The following CHCHD3 variants were observed in gnomAD, a reference collection of about 807,000 sequenced individuals.
CHCHD3 encodes the protein coiled-coil-helix-coiled-coil-helix domain containing 3, also known as MICOS complex subunit MIC19.
In CHCHD3, 20 loss-of-function variants were observed where a neutral mutation model predicts 38.2. That is an observed-to-expected ratio of 0.52 (90% CI 0.37 to 0.76). The LOEUF (loss-of-function observed/expected upper bound fraction) is 0.76. Ranked by LOEUF, CHCHD3 falls within the 30% of genes least tolerant of loss-of-function variation. The probability of loss-of-function intolerance (pLI) is 0.00; values close to 1 mark genes in which losing one functional copy is unlikely to be tolerated. For missense variants in CHCHD3, 245 were observed against 279.2 expected (o/e 0.88, Z 0.87); for synonymous variants, 82 against 100.0 (o/e 0.82, Z 1.07).
chr7:133,064,879 C>T (rs905035820), intron 2 of CHCHD3, among the ~76,000 whole-genome samples: 2 of 152,076 alleles, frequency 1.3e-5, no homozygotes, highest in African/African-American at 4.8e-5. Context: ...AATATCATTT[C>T]CTGTCTGTTT....
intron 5 of CHCHD3, among the ~76,000 whole-genome samples, chr7:132,865,735 GC>G (rs1205963629): frequency 2.0e-5 from 3 of 152,276 alleles, no homozygotes; most frequent in Non-Finnish European, 2.9e-5. Context: ...AGCAAAGGCA[GC>G]CCCCGAGCTT....
Position 132,785,651 on chromosome 7 carries a change from C to G in CHCHD3, c.670G>C (p.Glu224Gln). Reference sequence around the variant, plus strand: ...TCTGAAAGTTTTTATCCTCCCTTCTCAAGCATGCTCTGCAAGAAAAACAGA... The same window carrying G: ...TCTGAAAGTTTTTATCCTCCCTTCTGAAGCATGCTCTGCAAGAAAAACAGA... ...CVNHAKQSML[E>Q]KGG is the part of the protein sequence containing the mutation. The change falls in exon 8 of 8, where the codon GAG (glutamate) becomes CAG (glutamine). Residue 224 changes from glutamate (E) to glutamine (Q), a missense_variant. Glu to Gln is a conservative substitution (Grantham distance 29). Coordinates refer to ENST00000262570, the MANE Select transcript of CHCHD3 (RefSeq NM_017812.4). The G allele has an allele frequency of 6.2e-7, 1 of 1,614,108 alleles. No homozygotes were observed. Among genetic ancestry groups the G allele is most frequent in the Non-Finnish European group, 8.5e-7 (1 of 1,180,010 alleles).
chr7:133,061,486 T>G (rs1008565483), intron 2 of CHCHD3, among the ~76,000 whole-genome samples: 3 of 141,952 alleles, frequency 2.1e-5, no homozygotes, highest in African/African-American at 5.2e-5. Flanking sequence ...AAAAAAACCC[T>G]ATGAGAAAAG....
At chr7:132,985,682 G>T (rs1438034139) in intron 3 of CHCHD3, among the ~76,000 whole-genome samples, 1 of 77,300 alleles carries the variant, frequency 1.3e-5, no homozygotes, top group South Asian at 4.2e-4. Context: ...GGGAGGTGGG[G>T]GGGGGGTCAG....
intron 4 of CHCHD3, among the ~76,000 whole-genome samples, chr7:132,905,797 C>G (rs568189864): frequency 7.9e-5 from 12 of 152,186 alleles, no homozygotes; most frequent in Non-Finnish European, 1.2e-4. Flanking sequence ...TTCTAAGATG[C>G]AATTCCTCTC....
chr7:133,014,079 T>A (rs1433458725), intron 3 of CHCHD3, among the ~76,000 whole-genome samples: 1 of 152,166 alleles, frequency 6.6e-6, no homozygotes, highest in African/African-American at 2.4e-5. Flanking sequence ...ATCATTTGGT[T>A]TTAATCCAAC....
At chr7:132,978,473 T>C (rs1485439324) in intron 3 of CHCHD3, among the ~76,000 whole-genome samples, 1 of 152,146 alleles carries the variant, frequency 6.6e-6, no homozygotes, top group Admixed American at 6.5e-5. Context: ...CCCATACTTA[T>C]AAAAGTGCCT....
intron 3 of CHCHD3, among the ~76,000 whole-genome samples, chr7:133,012,683 G>C (rs1464194074): frequency 6.6e-6 from 1 of 151,856 alleles, no homozygotes; most frequent in Non-Finnish European, 1.5e-5. Context: ...AGGATGGCTT[G>C]AGTCTGGGAG....
chr7:133,081,800 T>C (rs1815178455), intron 1 of CHCHD3, 57 bp downstream of exon 1: 4 of 1,519,194 alleles, frequency 2.6e-6, no homozygotes, highest in African/African-American at 2.8e-5. Context: ...CCGGAGAAGA[T>C]GGGGCCTTGG....
intron 3 of CHCHD3, among the ~76,000 whole-genome samples, chr7:133,007,719 A>G (rs1812738385): frequency 6.6e-6 from 1 of 152,122 alleles, no homozygotes; most frequent in African/African-American, 2.4e-5. Flanking sequence ...ACGTGTCCCA[A>G]CTTTCTGATT....
intron 2 of CHCHD3, chr7:133,034,508 CT>C (rs146912120): frequency 0.061 from 17,205 of 283,150 alleles, 417 homozygotes; most frequent in African/African-American, 0.11. Context: ...TGGATCCAGT[CT>C]TTTTTTTTTT....
intron 4 of CHCHD3, among the ~76,000 whole-genome samples, chr7:132,922,560 C>CTT (rs34127740): frequency 6.8e-6 from 1 of 146,992 alleles, no homozygotes; most frequent in African/African-American, 2.5e-5. Flanking sequence ...CCTCTCTATA[C>CTT]TTTTTTTTTT....
chr7:132,787,201 C>T (rs1241565643), intron 7 of CHCHD3, among the ~76,000 whole-genome samples: 1 of 152,038 alleles, frequency 6.6e-6, no homozygotes, highest in Non-Finnish European at 1.5e-5. Context: ...GGAAAGAGGG[C>T]CCAGGACGGA....
chr7:132,983,651 T>C (rs1314431883), intron 3 of CHCHD3, among the ~76,000 whole-genome samples: 3 of 152,168 alleles, frequency 2.0e-5, no homozygotes, highest in African/African-American at 7.2e-5. Flanking sequence ...TACAATACCA[T>C]AACTTTGCAT....
At chr7:132,866,292 TC>T (rs1369040291) in intron 5 of CHCHD3, among the ~76,000 whole-genome samples, 7 of 152,186 alleles carry the variant, frequency 4.6e-5, no homozygotes, top group African/African-American at 1.7e-4. Flanking sequence ...AGGGTTCACT[TC>T]CTGGTTTTGC....
At chr7:133,036,791 C>T (rs1813691169) in intron 2 of CHCHD3, among the ~76,000 whole-genome samples, 1 of 152,176 alleles carries the variant, frequency 6.6e-6, no homozygotes, top group Admixed American at 6.5e-5. Context: ...GGAGAACCAA[C>T]AGCATTTTAT....
At chr7:132,963,692 T>TACACACAC (rs1174201921) in intron 4 of CHCHD3, among the ~76,000 whole-genome samples, 1 of 46,908 alleles carries the variant, frequency 2.1e-5, no homozygotes. Context: ...CACAAACGAT[T>TACACACAC]ATACACACAC....
chr7:132,916,607 G>A (rs1810112613), intron 4 of CHCHD3, among the ~76,000 whole-genome samples: 1 of 152,034 alleles, frequency 6.6e-6, no homozygotes, highest in African/African-American at 2.4e-5. Flanking sequence ...AAAAGAAAAG[G>A]CCTCACTCTG....
chr7:133,079,795 C>A (rs1815115043), intron 1 of CHCHD3, among the ~76,000 whole-genome samples: 1 of 152,178 alleles, frequency 6.6e-6, no homozygotes. Context: ...AAATATCTAA[C>A]CTGAGATTTA....
Sources: allele counts gnomAD v4.1 joint callset (sites outside exome capture counted in the v4.1 genomes callset), GRCh38; gene constraint gnomAD v4.1.1; transcripts MANE v1.5; gene names NCBI Gene and HGNC (gene_info 2026-07-23, HGNC 2026-07-21).